The following GRB10 variants were observed in gnomAD, a reference collection of about 807,000 sequenced individuals.
The protein encoded by GRB10 is growth factor receptor bound protein 10.
GRB10 carries 20 observed loss-of-function variants against 80.9 expected under a neutral mutation model. The ratio of observed to expected loss-of-function variants is 0.25; its 90% CI spans 0.17 to 0.36. The LOEUF is 0.36. Ranked by LOEUF, GRB10 falls within the 10% of genes least tolerant of loss-of-function variation. The pLI is 1.00. For missense variants in GRB10, 548 were observed against 747.7 expected (o/e 0.73, Z 3.12); for synonymous variants, 291 against 291.5 (o/e 1.00, Z 0.02).
intron 17 of GRB10, among the ~76,000 whole-genome samples, chr7:50,603,389 T>C (rs1423503639): frequency 6.6e-6 from 1 of 152,224 alleles, no homozygotes; most frequent in Middle Eastern, 3.2e-3. Context: ...AGAAGTCTCG[T>C]GCATGTGTAG....
chr7:50,614,174 T>C (rs944690542), intron 12 of GRB10, among the ~76,000 whole-genome samples: 1 of 152,200 alleles, frequency 6.6e-6, no homozygotes, highest in African/African-American at 2.4e-5. Flanking sequence ...CATGTGTGTA[T>C]AATGTATGTG....
chr7:50,662,574 G>C (rs1326655341), intron 7 of GRB10, among the ~76,000 whole-genome samples: 3 of 152,200 alleles, frequency 2.0e-5, no homozygotes, highest in African/African-American at 7.2e-5. Flanking sequence ...AGAAGACTAA[G>C]GCTTTGGGCT....
At chr7:50,625,591 A>G (rs1288576287) in intron 8 of GRB10, among the ~76,000 whole-genome samples, 1 of 152,202 alleles carries the variant, frequency 6.6e-6, no homozygotes, top group African/African-American at 2.4e-5. Flanking sequence ...CTGTGACATC[A>G]TGGTCACTAA....
intron 7 of GRB10, among the ~76,000 whole-genome samples, chr7:50,627,511 G>A (rs1166873652): frequency 6.6e-6 from 1 of 152,128 alleles, no homozygotes; most frequent in Non-Finnish European, 1.5e-5. Flanking sequence ...GCTCAGGGTG[G>A]AGTGGAGATG....
intron 2 of GRB10, among the ~76,000 whole-genome samples, chr7:50,765,161 G>C (rs1345095385): frequency 1.3e-5 from 2 of 152,124 alleles, no homozygotes; most frequent in African/African-American, 2.4e-5. Flanking sequence ...TTATCAAAAA[G>C]GGAATAATGG....
chr7:50,594,577 T>G (rs1023240547), intron 18 of GRB10, among the ~76,000 whole-genome samples: 2 of 152,226 alleles, frequency 1.3e-5, no homozygotes, highest in Non-Finnish European at 2.9e-5. Flanking sequence ...TTGGTAGAGT[T>G]TGGGTTCCAC....
rs79207373 is a variant in GRB10, at chr7:50,604,095, G to A, written c.1457-10C>T. The stretch of plus-strand genomic sequence containing the variant: ...TGTGTCCTGTGAATCACTGTGGGGG[G>A]AAGACAGGAGGAGGGTAGGATGGTG... On this transcript the variant is annotated splice_polypyrimidine_tract_variant and intron_variant, in intron 16 of 18. Coordinates refer to ENST00000401949, the MANE Select transcript of GRB10 (RefSeq NM_001350814.2). 2.6e-3 allele frequency: 4,203 copies of A among 1,607,456 alleles called. 95 individuals carry two copies. In the African/African-American group the frequency reaches 0.049, roughly 19 times the overall value.
At chr7:50,649,970 T>C (rs2057797223) in intron 7 of GRB10, among the ~76,000 whole-genome samples, 1 of 152,166 alleles carries the variant, frequency 6.6e-6, no homozygotes, top group Non-Finnish European at 1.5e-5. Context: ...GTCCTGGTTA[T>C]AGATCTGGGT....
At chr7:50,672,919 C>A (rs1339064741) in intron 6 of GRB10, among the ~76,000 whole-genome samples, 2 of 152,180 alleles carry the variant, frequency 1.3e-5, no homozygotes, top group African/African-American at 4.8e-5. Flanking sequence ...CTGGGACAGG[C>A]ATCATTCAGC....
In GRB10 at chr7:50,593,049, T is replaced by C. The variant is rs1267312643; in HGVS notation, c.1688A>G (p.Lys563Arg). The C allele has an allele frequency of 4.3e-6, 7 of 1,614,046 alleles. No individual in the cohort carries two copies. The highest frequency in any genetic ancestry group is 2.7e-5 in the African/African-American group (2 of 74,916). Reference protein sequence around the residue: ...TFFSLDDGNTKFSDLIQLVDF... With the variant: ...TFFSLDDGNTRFSDLIQLVDF... ...AACCAGCTGGATCAGGTCAGAGAATTTGGTGTTCCCGTCATCTAGGCTGAA... is the reference window on the plus strand; with the variant it reads ...AACCAGCTGGATCAGGTCAGAGAATCTGGTGTTCCCGTCATCTAGGCTGAA... The change falls in exon 19 of 19, where the codon AAA (lysine) becomes AGA (arginine). Residue 563 changes from lysine to arginine, a missense_variant. Physicochemically the swap from Lys to Arg is conservative, Grantham distance 26. Around this residue, in one of 4 missense-constraint regions of GRB10, gnomAD observed 32 missense variants for 66.0 expected, o/e 0.48. Coordinates refer to ENST00000401949, the MANE Select transcript of GRB10 (RefSeq NM_001350814.2).
At chr7:50,615,115 C>T (rs1382775055) in intron 11 of GRB10, among the ~76,000 whole-genome samples, 5 of 152,162 alleles carry the variant, frequency 3.3e-5, no homozygotes, top group African/African-American at 7.2e-5. Context: ...GCTGTTGGAA[C>T]GTATTTGATA....
chr7:50,786,731 A>C (rs1439275173), upstream of GRB10, among the ~76,000 whole-genome samples: 1 of 152,242 alleles, frequency 6.6e-6, no homozygotes, highest in East Asian at 1.9e-4. Context: ...ACTTTTTGGA[A>C]GCTTCTATAG....
rs75675767 is a variant in GRB10 at position 50,665,948 on chromosome 7, T to A, written c.504+3774A>T. Among the ~76,000 whole-genome samples the A allele has an allele frequency of 2.7e-3, 409 of 152,246 alleles. 2 individuals are homozygous for A. Among genetic ancestry groups the A allele is most frequent in the Middle Eastern group, 0.017 (5 of 294 alleles). On this transcript the variant is annotated intron_variant, in intron 7 of 18. Transcript: ENST00000401949. ...ACCCAGATGACTCAGGCAAGCCCCA[T>A]GGGTACCCTTAGCAAACTCAGCACA...
At chr7:50,751,167 C>G (rs928380246) in intron 3 of GRB10, among the ~76,000 whole-genome samples, 2 of 152,176 alleles carry the variant, frequency 1.3e-5, no homozygotes, top group Non-Finnish European at 2.9e-5. Flanking sequence ...CAGGCCAGAG[C>G]TCAGACTCCA....
intron 3 of GRB10, among the ~76,000 whole-genome samples, chr7:50,753,597 G>A (rs533110102): frequency 6.6e-6 from 1 of 152,270 alleles, no homozygotes; most frequent in African/African-American, 2.4e-5. Flanking sequence ...TTGTCAAGTG[G>A]GACCACAGAT....
chr7:50,606,442 C>T (rs1279852452), intron 13 of GRB10, 28 bp from the exon 14 acceptor site: 4 of 1,579,132 alleles, frequency 2.5e-6, no homozygotes, highest in East Asian at 2.2e-5. Flanking sequence ...CAGTTAGTCA[C>T]CGGCCCGGGA....
intron 7 of GRB10, among the ~76,000 whole-genome samples, chr7:50,636,408 C>T (rs1268384535): frequency 6.6e-6 from 1 of 152,166 alleles, no homozygotes. Context: ...ATACCGAAAT[C>T]AGGCAAGGAC....
intron 7 of GRB10, among the ~76,000 whole-genome samples, chr7:50,641,561 C>T (rs2056279065): frequency 6.6e-6 from 1 of 152,200 alleles, no homozygotes; most frequent in Non-Finnish European, 1.5e-5. Flanking sequence ...CACTTGGGGG[C>T]ACTCATTTTC....
intron 3 of GRB10, among the ~76,000 whole-genome samples, chr7:50,733,476 A>G (rs1587646250): frequency 6.6e-6 from 1 of 152,292 alleles, no homozygotes; most frequent in South Asian, 2.1e-4. Context: ...ACTACCAACC[A>G]TGTTTTCTGC....
Sources: allele counts gnomAD v4.1 joint callset (sites outside exome capture counted in the v4.1 genomes callset), GRCh38; gene constraint gnomAD v4.1.1; regional missense constraint gnomAD v4.1.1; transcripts MANE v1.5; gene names NCBI Gene and HGNC (gene_info 2026-07-23, HGNC 2026-07-21).